The following CDH8 variants were observed in gnomAD, a reference collection of about 807,000 sequenced individuals.
CDH8 encodes cadherin-8.
In CDH8, 17 loss-of-function variants were observed where a neutral mutation model predicts 68.1. The observed-to-expected ratio is 0.25, with a 90% confidence interval of 0.17 to 0.37. The LOEUF is 0.37. Ranked by LOEUF, CDH8 falls within the 10% of genes least tolerant of loss-of-function variation. The probability of loss-of-function intolerance (pLI) is 1.00; values close to 1 mark genes in which losing one functional copy is unlikely to be tolerated. For missense variants in CDH8, 763 were observed against 999.3 expected, an observed-to-expected ratio of 0.76 and a Z score of 3.19; for synonymous variants, 372 against 365.1, an observed-to-expected ratio of 1.02 and a Z score of -0.21.
At chr16:61,996,560 C>T (rs1339278204) in intron 2 of CDH8, among the ~76,000 whole-genome samples, 1 of 152,032 alleles carries the variant, frequency 6.6e-6, no homozygotes, top group Non-Finnish European at 1.5e-5. Flanking sequence ...ATTCTAAATT[C>T]TGAAGTTTTT....
At chr16:61,781,766 T>A (rs1961062550) in intron 8 of CDH8, among the ~76,000 whole-genome samples, 1 of 152,236 alleles carries the variant, frequency 6.6e-6, no homozygotes, top group African/African-American at 2.4e-5. Flanking sequence ...CTTAAGGTGA[T>A]AATCAGGCTT....
intron 2 of CDH8, among the ~76,000 whole-genome samples, chr16:62,002,823 G>A (rs1381868501): frequency 2.6e-5 from 4 of 152,184 alleles, no homozygotes; most frequent in African/African-American, 9.7e-5. Context: ...GGAGGCCGAG[G>A]TGGGCGGATC....
At chr16:62,028,857 T>G (rs1428480762) in intron 1 of CDH8, among the ~76,000 whole-genome samples, 1 of 152,174 alleles carries the variant, frequency 6.6e-6, no homozygotes, top group Non-Finnish European at 1.5e-5. Flanking sequence ...AGTCACGCCC[T>G]TTGCAGTCTT....
rs1596826140 is a variant in CDH8 at position 61,647,554 on chromosome 16, A to T, written c.*6054T>A. 1.7e-5 allele frequency: 8 copies of T among 472,292 alleles called. No homozygotes were observed. In the East Asian group the frequency reaches 3.0e-4, roughly 17 times the overall value. The allele number at this position is 472,292 out of a possible 1,614,324, so 29.3% of individuals were successfully genotyped here. ...AAAATCTTCCTCTTATTTGTGAGGG[A>T]TCATAGGATGGCCTGAAGTTCTTTG... On this transcript the variant is annotated 3_prime_UTR_variant, in exon 12 of 12. Transcript: ENST00000577390.
chr16:61,958,993 C>T (rs1010024984), intron 2 of CDH8, among the ~76,000 whole-genome samples: 2 of 152,178 alleles, frequency 1.3e-5, no homozygotes, highest in African/African-American at 4.8e-5. Context: ...TAACTTTTCA[C>T]ATTCACACAT....
intron 2 of CDH8, among the ~76,000 whole-genome samples, chr16:61,999,849 T>TTACATAGGTATACA (rs1428119032): frequency 1.3e-5 from 2 of 152,170 alleles, no homozygotes; most frequent in African/African-American, 4.8e-5. Context: ...TGCAGGTTTG[T>TTACATAGGTATACA]TACATAGGTA....
intron 2 of CDH8, among the ~76,000 whole-genome samples, chr16:62,015,424 C>T (rs182643666): frequency 7.2e-4 from 110 of 152,006 alleles, no homozygotes; most frequent in Admixed American, 2.4e-3. Flanking sequence ...TGTGTGTATT[C>T]CAGTTCCATA....
Position 61,997,512 on chromosome 16 carries a change from A to AT in CDH8, c.252+23639dup, listed in dbSNP as rs199723354. On this transcript the variant is annotated intron_variant, in intron 2 of 11. Coordinates refer to ENST00000577390, the MANE Select transcript of CDH8 (RefSeq NM_001796.5). Reference sequence around the variant, plus strand: ...TAATAAATATAGAAGGAATATGGAGATTTTTTAAAATCACGAATTAATGCT... The same window carrying AT: ...TAATAAATATAGAAGGAATATGGAGATTTTTTTAAAATCACGAATTAATGCT... Among the ~76,000 whole-genome samples the AT allele has an allele frequency of 9.2e-5, 14 of 152,300 alleles. No individual in the cohort carries two copies. In the East Asian group the frequency reaches 2.7e-3, roughly 29 times the overall value.
intron 10 of CDH8, among the ~76,000 whole-genome samples, chr16:61,699,549 T>C (rs1964384985): frequency 6.6e-6 from 1 of 152,096 alleles, no homozygotes; most frequent in Non-Finnish European, 1.5e-5. Context: ...GTCTTTTCAC[T>C]CATCATTATT....
chr16:61,790,265 A>G (rs1961348161), intron 7 of CDH8, among the ~76,000 whole-genome samples: 1 of 152,080 alleles, frequency 6.6e-6, no homozygotes. Flanking sequence ...TCTCAGGACC[A>G]CTAAGTATCA....
chr16:61,800,773 A>G (rs1427159478), intron 7 of CDH8, among the ~76,000 whole-genome samples: 1 of 152,088 alleles, frequency 6.6e-6, no homozygotes, highest in Non-Finnish European at 1.5e-5. Flanking sequence ...TCTTCTTAAA[A>G]TATGCAATAT....
At chr16:61,711,113 T>C (rs1964623098) in intron 10 of CDH8, among the ~76,000 whole-genome samples, 1 of 151,934 alleles carries the variant, frequency 6.6e-6, no homozygotes, top group Non-Finnish European at 1.5e-5. Context: ...AGAAATATGA[T>C]TCTCATATAT....
Position 62,021,200 on chromosome 16 carries a change from C to T in CDH8, c.204G>A (p.Met68Ile), listed in dbSNP as rs1185758472. The change falls in exon 2 of 12, where the codon ATG becomes ATA. Residue 68 changes from methionine to isoleucine, a missense_variant. Transcript: ENST00000577390. ...GTCCAGAAAACTCTTCCAGGACAAA[C>T]ATTTGATTCCAAACCCAGCCTCTTT... The part of the protein sequence containing the change: ...RSKRGWVWNQ[M>I]FVLEEFSGPE... The T allele has an allele frequency of 6.2e-7, 1 of 1,613,926 alleles. No individual in the cohort carries two copies. The highest frequency in any genetic ancestry group is 8.5e-7 in the Non-Finnish European group (1 of 1,179,956).
chr16:61,743,660 A>G (rs542030236), intron 8 of CDH8, among the ~76,000 whole-genome samples: 1 of 152,120 alleles, frequency 6.6e-6, no homozygotes, highest in African/African-American at 2.4e-5. Context: ...ATTATTTTCT[A>G]TCCTATACTT....
intron 10 of CDH8, among the ~76,000 whole-genome samples, chr16:61,675,097 G>C (rs28776606): frequency 6.6e-6 from 1 of 151,830 alleles, no homozygotes; most frequent in Admixed American, 6.6e-5. Context: ...CTGAATAATA[G>C]GTTAAAGGAA....
intron 2 of CDH8, among the ~76,000 whole-genome samples, chr16:61,953,895 T>TA: frequency 1.7e-5 from 2 of 118,866 alleles, no homozygotes; most frequent in East Asian, 5.0e-4. Context: ...AAAAAAAACT[T>TA]TATATATATA....
At chr16:61,661,473 A>G (rs1963556299) in intron 10 of CDH8, among the ~76,000 whole-genome samples, 1 of 151,928 alleles carries the variant, frequency 6.6e-6, no homozygotes, top group Admixed American at 6.6e-5. Context: ...AAATTAAATA[A>G]TGCACTCTTA....
chr16:61,791,592 C>G (rs181491300), intron 7 of CDH8, among the ~76,000 whole-genome samples: 2 of 151,930 alleles, frequency 1.3e-5, no homozygotes, highest in Admixed American at 6.6e-5. Flanking sequence ...CACATCCATG[C>G]GTCAACCAAT....
At chr16:61,748,213 G>A (rs900282534) in intron 8 of CDH8, among the ~76,000 whole-genome samples, 1 of 114,402 alleles carries the variant, frequency 8.7e-6, no homozygotes, top group African/African-American at 4.9e-5. Flanking sequence ...TCTGCCATTT[G>A]AGAATGTCAT....
Sources: allele counts gnomAD v4.1 joint callset (sites outside exome capture counted in the v4.1 genomes callset), GRCh38; gene constraint gnomAD v4.1.1; transcripts MANE v1.5; gene names NCBI Gene and HGNC (gene_info 2026-07-23, HGNC 2026-07-21).